The following RIMS1 variants were observed in gnomAD, a reference collection of about 807,000 sequenced individuals.
RIMS1 encodes regulating synaptic membrane exocytosis 1, also known as regulating synaptic membrane exocytosis protein 1.
In RIMS1, 83 loss-of-function variants were observed where a neutral mutation model predicts 214.1. The observed-to-expected ratio is 0.39, with a 90% CI of 0.32 to 0.47. The LOEUF (loss-of-function observed/expected upper bound fraction) is 0.47, where lower values mean the gene tolerates loss of function less well. RIMS1 is among the 20% of genes least tolerant of loss of function. The pLI is 0.99. For missense variants in RIMS1, 2,050 were observed against 2,161.8 expected (o/e 0.95, Z 1.03); for synonymous variants, 793 against 786.8 (o/e 1.01, Z -0.13).
intron 29 of RIMS1, among the ~76,000 whole-genome samples, chr6:72,383,608 TAAAAAAAA>T (rs1170633297): frequency 1.2e-5 from 1 of 85,938 alleles, no homozygotes; most frequent in Admixed American, 1.4e-4. Context: ...ACCCCATCTC[TAAAAAAAA>T]AAAAAAAAAA....
At chr6:72,304,699 C>T (rs918171247) in intron 26 of RIMS1, among the ~76,000 whole-genome samples, 5 of 151,966 alleles carry the variant, frequency 3.3e-5, no homozygotes, top group South Asian at 2.1e-4. Flanking sequence ...TACTGAAGCA[C>T]AATAACTTGT....
chr6:72,221,858 A>G (rs910884390), intron 6 of RIMS1, among the ~76,000 whole-genome samples: 31 of 151,942 alleles, frequency 2.0e-4, no homozygotes, highest in Admixed American at 4.6e-4. Context: ...GCTGTGATCA[A>G]TAAGATATTT....
At chr6:71,956,803 A>G (rs1424830649) in intron 1 of RIMS1, among the ~76,000 whole-genome samples, 1 of 152,154 alleles carries the variant, frequency 6.6e-6, no homozygotes, top group Non-Finnish European at 1.5e-5. Flanking sequence ...TGCGCGAATG[A>G]ATGGCTCATT....
At chr6:72,113,295 T>A (rs372144660) in intron 4 of RIMS1, among the ~76,000 whole-genome samples, 2 of 152,170 alleles carry the variant, frequency 1.3e-5, no homozygotes, top group African/African-American at 4.8e-5. Context: ...TTACTAGGCT[T>A]GATTCTCGTC....
Position 72,402,660 on chromosome 6 carries a change from TTCTG to T in RIMS1, c.*1950_*1953del, listed in dbSNP as rs1033737127. The T allele has an allele frequency of 1.3e-5, 2 of 152,654 alleles. No homozygotes were observed. The highest frequency in any genetic ancestry group is 4.8e-5 in the African/African-American group (2 of 41,462). 9.5% of individuals were successfully genotyped at this position (152,654 alleles called of 1,614,324 possible). ...ATTGGTGCACTTCTACTAGATTCCGTTCTGTCTTAGTGGCCAACAATCAACTGAT... is the reference window on the plus strand; with the variant it reads ...ATTGGTGCACTTCTACTAGATTCCGTTCTTAGTGGCCAACAATCAACTGAT... On this transcript the variant is annotated 3_prime_UTR_variant, in exon 34 of 34. Coordinates refer to ENST00000521978, the MANE Select transcript of RIMS1 (RefSeq NM_014989.7).
intron 1 of RIMS1, among the ~76,000 whole-genome samples, chr6:71,926,964 G>T (rs1270481734): frequency 2.0e-5 from 3 of 152,004 alleles, no homozygotes; most frequent in Non-Finnish European, 2.9e-5. Context: ...CCAATAAATG[G>T]CAAACCAAGC....
intron 28 of RIMS1, among the ~76,000 whole-genome samples, chr6:72,324,959 A>G (rs915319905): frequency 2.0e-5 from 3 of 151,756 alleles, no homozygotes; most frequent in Non-Finnish European, 2.9e-5. Context: ...TCTGAAAAGT[A>G]CAACTTACTA....
At chr6:71,942,991 A>AC (rs1786642193) in intron 1 of RIMS1, among the ~76,000 whole-genome samples, 1 of 152,116 alleles carries the variant, frequency 6.6e-6, no homozygotes, top group Non-Finnish European at 1.5e-5. Context: ...ATGTATTAAG[A>AC]TAAGATGTAA....
At chr6:72,200,295 G>A (rs930879948) in intron 6 of RIMS1, among the ~76,000 whole-genome samples, 1 of 151,984 alleles carries the variant, frequency 6.6e-6, no homozygotes, top group African/African-American at 2.4e-5. Context: ...CCAGGTTTGG[G>A]GAGTATATTG....
chr6:72,341,130 T>A (rs2097073003), intron 29 of RIMS1, among the ~76,000 whole-genome samples: 1 of 151,960 alleles, frequency 6.6e-6, no homozygotes, highest in Non-Finnish European at 1.5e-5. Flanking sequence ...TGCACATTGA[T>A]TTTGTATCCT....
intron 1 of RIMS1, among the ~76,000 whole-genome samples, chr6:71,936,072 C>T (rs986796782): frequency 6.6e-6 from 1 of 151,728 alleles, no homozygotes; most frequent in African/African-American, 2.4e-5. Context: ...AGGTGTGGGC[C>T]GGGCGCGGTG....
chr6:71,930,477 A>G (rs1439680570), intron 1 of RIMS1, among the ~76,000 whole-genome samples: 3 of 151,978 alleles, frequency 2.0e-5, no homozygotes, highest in African/African-American at 4.8e-5. Flanking sequence ...TCTGTTGCTG[A>G]TGGAAAGACC....
chr6:72,191,286 A>G (rs2050028669), intron 6 of RIMS1, among the ~76,000 whole-genome samples: 1 of 152,224 alleles, frequency 6.6e-6, no homozygotes, highest in Non-Finnish European at 1.5e-5. Flanking sequence ...AGGTTGCCAA[A>G]TGCAGCTATT....
At chr6:72,371,021 T>G (rs1157839211) in intron 29 of RIMS1, among the ~76,000 whole-genome samples, 1 of 152,196 alleles carries the variant, frequency 6.6e-6, no homozygotes, top group African/African-American at 2.4e-5. Context: ...TATGAGATTT[T>G]TTATATGAAA....
intron 2 of RIMS1, among the ~76,000 whole-genome samples, chr6:72,036,168 T>C (rs985200847): frequency 1.3e-5 from 2 of 152,162 alleles, no homozygotes; most frequent in Admixed American, 6.6e-5. Context: ...GAGTGAATCA[T>C]TGTGTGTTCC....
chr6:72,362,374 G>A (rs1359856165), intron 29 of RIMS1, among the ~76,000 whole-genome samples: 1 of 152,094 alleles, frequency 6.6e-6, no homozygotes, highest in African/African-American at 2.4e-5. Context: ...TCCAAGTCGG[G>A]ACATCATGGT....
chr6:72,335,476 T>G (rs2096811389), intron 29 of RIMS1, among the ~76,000 whole-genome samples: 1 of 152,010 alleles, frequency 6.6e-6, no homozygotes, highest in South Asian at 2.1e-4. Context: ...GTCTCATTGA[T>G]GGGCATTTGG....
intron 1 of RIMS1, among the ~76,000 whole-genome samples, chr6:71,890,628 A>G (rs1403137366): frequency 6.6e-6 from 1 of 150,948 alleles, no homozygotes; most frequent in South Asian, 2.1e-4. Context: ...CTGAATAGTA[A>G]GAGAAGAGAA....
chr6:72,002,581 C>A (rs1805649829), intron 2 of RIMS1, among the ~76,000 whole-genome samples: 1 of 152,156 alleles, frequency 6.6e-6, no homozygotes, highest in African/African-American at 2.4e-5. Flanking sequence ...GCATGCGTGG[C>A]AGCCTGAGGA....
Sources: gnomAD v4.1 joint callset for allele counts (sites outside exome capture counted in the v4.1 genomes callset) on GRCh38, gnomAD v4.1.1 for gene constraint, MANE v1.5 for transcripts, NCBI Gene and HGNC (gene_info 2026-07-23, HGNC 2026-07-21) for gene names.